ZFHX3: variants seen among roughly 807,000 people sequenced by gnomAD.
ZFHX3 encodes zinc finger homeobox protein 3.
ZFHX3 carries 42 observed loss-of-function variants against 279.1 expected under a neutral mutation model. The observed-to-expected ratio is 0.15, with a 90% CI of 0.12 to 0.19. The LOEUF (loss-of-function observed/expected upper bound fraction) is 0.19, where lower values mean the gene tolerates loss of function less well. ZFHX3 is among the 10% of genes least tolerant of loss of function. The probability of loss-of-function intolerance (pLI) is 1.00; values close to 1 mark genes in which losing one functional copy is unlikely to be tolerated. For missense variants in ZFHX3, 4,981 were observed against 4,754.0 expected (o/e 1.05, Z -1.40); for synonymous variants, 2,293 against 1,957.8 (o/e 1.17, Z -4.52).
chr16:73,070,621 G>A (rs764271956), intron 8 of ZFHX3, among the ~76,000 whole-genome samples: 1 of 152,112 alleles, frequency 6.6e-6, no homozygotes, highest in Admixed American at 6.5e-5. Context: ...GCCCTCCCTC[G>A]GCAGGCACTG....
At position 73,737,801 on chromosome 16, in the gene ZFHX3, G is replaced by T. The variant is rs992139394; in HGVS notation, c.-1607-57561C>A. The stretch of plus-strand genomic sequence containing the variant: ...TGCAGTCTCTTTTTCCTGTGGTTTT[G>T]TTCTTTGGCTGCTCATTAGCACCTC... On this transcript the variant is annotated intron_variant, in intron 1 of 17. Transcript: ENST00000641206. 2.6e-5 allele frequency among the ~76,000 whole-genome samples: 4 copies of T among 152,220 alleles called. No individual in the cohort carries two copies. In the South Asian group the frequency reaches 6.2e-4, roughly 24 times the overall value.
intron 1 of ZFHX3, among the ~76,000 whole-genome samples, chr16:72,995,267 A>C (rs1963241424): frequency 6.6e-6 from 1 of 152,112 alleles, no homozygotes; most frequent in Non-Finnish European, 1.5e-5. Flanking sequence ...ACCATAAACA[A>C]GCTGTTCAAA....
At chr16:73,872,608 T>C (rs1280569368) in intron 1 of ZFHX3, among the ~76,000 whole-genome samples, 1 of 150,888 alleles carries the variant, frequency 6.6e-6, no homozygotes, top group Non-Finnish European at 1.5e-5. Context: ...AGTACATGAA[T>C]TGTCGGACAG....
chr16:72,925,622 T>G (rs79399322), intron 3 of ZFHX3, among the ~76,000 whole-genome samples: 1 of 152,232 alleles, frequency 6.6e-6, no homozygotes. Flanking sequence ...CTTTCCCTTA[T>G]CTTGAGTTGC....
intron 3 of ZFHX3, among the ~76,000 whole-genome samples, chr16:72,947,870 G>C (rs1054955345): frequency 5.9e-5 from 9 of 152,168 alleles, no homozygotes; most frequent in African/African-American, 2.2e-4. Context: ...CGGGCTAATG[G>C]ATTACATTAG....
intron 1 of ZFHX3, among the ~76,000 whole-genome samples, chr16:73,797,692 GC>G (rs1209997703): frequency 1.3e-5 from 2 of 151,964 alleles, no homozygotes; most frequent in Non-Finnish European, 2.9e-5. Flanking sequence ...AAGTCAGGAA[GC>G]TTGCACTCTA....
intron 3 of ZFHX3, among the ~76,000 whole-genome samples, chr16:73,348,205 C>T (rs551831055): frequency 3.9e-5 from 6 of 152,330 alleles, no homozygotes; most frequent in African/African-American, 1.4e-4. Context: ...CCAAGACATA[C>T]TCCATGTAAT....
At chr16:73,208,806 G>A (rs930864448) in intron 5 of ZFHX3, among the ~76,000 whole-genome samples, 1 of 152,180 alleles carries the variant, frequency 6.6e-6, no homozygotes, top group Non-Finnish European at 1.5e-5. Context: ...GAAAGAAAAT[G>A]TTATTTTGCA....
At chr16:73,104,710 G>C (rs1449951194) in intron 7 of ZFHX3, among the ~76,000 whole-genome samples, 3 of 152,110 alleles carry the variant, frequency 2.0e-5, no homozygotes, top group Admixed American at 1.3e-4. Flanking sequence ...TCAGGGCCTC[G>C]GTTGACTTCA....
intron 5 of ZFHX3, among the ~76,000 whole-genome samples, chr16:73,145,771 T>C (rs2144839784): frequency 6.6e-6 from 1 of 152,336 alleles, no homozygotes; most frequent in South Asian, 2.1e-4. Flanking sequence ...AACCTCGTAT[T>C]GTCTGTTGAA....
At chr16:73,688,781 T>C (rs2053117644) in intron 1 of ZFHX3, among the ~76,000 whole-genome samples, 1 of 152,164 alleles carries the variant, frequency 6.6e-6, no homozygotes, top group African/African-American at 2.4e-5. Context: ...TGGGAGATAA[T>C]TGAATCATGG....
intron 1 of ZFHX3, among the ~76,000 whole-genome samples, chr16:73,705,266 C>T (rs368513363): frequency 1.3e-5 from 2 of 152,088 alleles, no homozygotes; most frequent in Non-Finnish European, 2.9e-5. Context: ...AGCATGCAAG[C>T]CAGTAAGAGC....
At chr16:73,886,064 C>T (rs999316973) in intron 1 of ZFHX3, among the ~76,000 whole-genome samples, 9 of 152,154 alleles carry the variant, frequency 5.9e-5, no homozygotes, top group Non-Finnish European at 1.2e-4. Flanking sequence ...TCAAATTAAT[C>T]CTGAACCTTA....
chr16:73,002,059 T>C (rs1007799185), intron 1 of ZFHX3, among the ~76,000 whole-genome samples: 1 of 152,074 alleles, frequency 6.6e-6, no homozygotes, highest in Non-Finnish European at 1.5e-5. Context: ...GGATACCAGA[T>C]TGCTTTGGAA....
chr16:73,297,632 T>C (rs765218430), intron 4 of ZFHX3, among the ~76,000 whole-genome samples: 1 of 151,982 alleles, frequency 6.6e-6, no homozygotes, highest in Non-Finnish European at 1.5e-5. Flanking sequence ...GTAGCCCTGA[T>C]ACCTCATGGA....
chr16:73,188,018 C>G (rs766772239), intron 5 of ZFHX3, among the ~76,000 whole-genome samples: 1 of 152,046 alleles, frequency 6.6e-6, no homozygotes, highest in Non-Finnish European at 1.5e-5. Context: ...CCTGCCACCA[C>G]GCCTGGCTAA....
rs570644327 is a variant in ZFHX3, at chr16:73,104,800, C to T, written c.-896-11202G>A. On this transcript the variant is annotated intron_variant, in intron 7 of 17. Coordinates refer to the ZFHX3 transcript ENST00000641206. Reference sequence around the variant, plus strand: ...GAAAAGTGGCTACTTCAGAAGCCTTCCTTGGCCACTCCTTCAACCCCACCA... The same window carrying T: ...GAAAAGTGGCTACTTCAGAAGCCTTTCTTGGCCACTCCTTCAACCCCACCA... Among the ~76,000 whole-genome samples the T allele has an allele frequency of 3.9e-5, 6 of 152,248 alleles. No individual in the cohort carries two copies. In the East Asian group the frequency reaches 1.2e-3, roughly 29 times the overall value.
intron 3 of ZFHX3, among the ~76,000 whole-genome samples, chr16:73,345,560 G>T (rs923439133): frequency 4.6e-5 from 7 of 152,108 alleles, no homozygotes; most frequent in African/African-American, 1.7e-4. Flanking sequence ...GTCCCTGCGA[G>T]GACATGATCT....
At chr16:73,561,736 A>T (rs1000426223) in intron 2 of ZFHX3, among the ~76,000 whole-genome samples, 2 of 152,200 alleles carry the variant, frequency 1.3e-5, no homozygotes, top group African/African-American at 4.8e-5. Context: ...CCAGCTACCT[A>T]AAATAGGCTT....
Sources: gnomAD v4.1 joint callset for allele counts (sites outside exome capture counted in the v4.1 genomes callset) on GRCh38, gnomAD v4.1.1 for gene constraint, MANE v1.5 for transcripts, NCBI Gene and HGNC (gene_info 2026-07-23, HGNC 2026-07-21) for gene names.